PARD3: variants seen among roughly 807,000 people sequenced by gnomAD.
PARD3 encodes partitioning defective 3 homolog.
In PARD3, 75 loss-of-function variants were observed where a neutral mutation model predicts 155.4. The ratio of observed to expected loss-of-function variants is 0.48; its 90% confidence interval spans 0.40 to 0.58. The LOEUF (loss-of-function observed/expected upper bound fraction) is 0.58. Ranked by LOEUF, PARD3 falls within the 20% of genes least tolerant of loss-of-function variation. The probability of loss-of-function intolerance (pLI) is 0.00; values close to 1 mark genes in which losing one functional copy is unlikely to be tolerated. For synonymous variants in PARD3, 576 were observed against 610.5 expected (o/e 0.94, Z 0.83); for missense variants, 1,642 against 1,721.7 (o/e 0.95, Z 0.82).
chr10:34,801,397 T>A (rs565459796), intron 1 of PARD3, among the ~76,000 whole-genome samples: 1 of 152,162 alleles, frequency 6.6e-6, no homozygotes, highest in Non-Finnish European at 1.5e-5. Flanking sequence ...ATTAATGAGA[T>A]GTTTAAGGTC....
chr10:34,513,883 T>C (rs2081551685), intron 3 of PARD3, among the ~76,000 whole-genome samples: 1 of 152,156 alleles, frequency 6.6e-6, no homozygotes, highest in Admixed American at 6.5e-5. Context: ...ACTCCACCAG[T>C]TGTCACAACC....
intron 14 of PARD3, among the ~76,000 whole-genome samples, chr10:34,352,769 C>T (rs1200288780): frequency 6.6e-6 from 1 of 152,230 alleles, no homozygotes; most frequent in African/African-American, 2.4e-5. Flanking sequence ...GCCGCGACCC[C>T]ATCTGGGAAG....
chr10:34,305,048 T>A (rs983686413), intron 20 of PARD3, among the ~76,000 whole-genome samples: 2 of 152,242 alleles, frequency 1.3e-5, no homozygotes, highest in Non-Finnish European at 2.9e-5. Context: ...AAAGTATCTG[T>A]TCAGTTCATT....
intron 21 of PARD3, among the ~76,000 whole-genome samples, chr10:34,273,831 G>A (rs571127116): frequency 6.6e-6 from 1 of 152,068 alleles, no homozygotes; most frequent in East Asian, 1.9e-4. Context: ...CCCACTCTTG[G>A]TTTCCAATTT....
chr10:34,226,425 C>A (rs565261207), intron 22 of PARD3, among the ~76,000 whole-genome samples: 1 of 152,272 alleles, frequency 6.6e-6, no homozygotes, highest in Non-Finnish European at 1.5e-5. Context: ...TGGCACATGC[C>A]GGTAATCCCA....
chr10:34,584,136 A>C (rs1008349403), intron 2 of PARD3, among the ~76,000 whole-genome samples: 1 of 152,192 alleles, frequency 6.6e-6, no homozygotes, highest in Non-Finnish European at 1.5e-5. Flanking sequence ...TTCCTAGCCT[A>C]AACTAGACAT....
At position 34,802,944 on chromosome 10, in the gene PARD3, G is replaced by A. The variant is rs535410323; in HGVS notation, c.120+11932C>T. Among the ~76,000 whole-genome samples, 778 of 151,668 alleles carry A rather than the reference G, an allele frequency of 5.1e-3. 4 individuals are homozygous for A. Among genetic ancestry groups the A allele is most frequent in the Non-Finnish European group, 8.4e-3 (570 of 67,960 alleles). On this transcript the variant is annotated intron_variant, in intron 1 of 24. Coordinates refer to ENST00000374788, the MANE Select transcript of PARD3 (RefSeq NM_001184785.2). ...GGTGGTATTAAAAGGTAGGACTCCC[G>A]ACCAGGCACGGTGACTCACACCTGT...
At chr10:34,318,367 G>A (rs1958147623) in intron 19 of PARD3, among the ~76,000 whole-genome samples, 2 of 152,158 alleles carry the variant, frequency 1.3e-5, no homozygotes, top group African/African-American at 4.8e-5. Flanking sequence ...ATTACTCCGT[G>A]AATTCTTAAG....
intron 2 of PARD3, among the ~76,000 whole-genome samples, chr10:34,599,332 G>A (rs1467994504): frequency 1.3e-5 from 2 of 152,098 alleles, no homozygotes; most frequent in Non-Finnish European, 2.9e-5. Context: ...CCGATTCCAC[G>A]GCTCTCTCCA....
chr10:34,369,768 G>C (rs1589334234), intron 12 of PARD3, among the ~76,000 whole-genome samples: 1 of 152,132 alleles, frequency 6.6e-6, no homozygotes, highest in Non-Finnish European at 1.5e-5. Context: ...AAATGAAAGT[G>C]AGCATTGGAC....
chr10:34,574,547 AT>A (rs1395012268), intron 2 of PARD3, among the ~76,000 whole-genome samples: 1 of 152,226 alleles, frequency 6.6e-6, no homozygotes, highest in Admixed American at 6.5e-5. Flanking sequence ...ATAGTGACCC[AT>A]CCCAGTGCAT....
intron 4 of PARD3, among the ~76,000 whole-genome samples, chr10:34,463,996 T>A (rs962104353): frequency 6.6e-6 from 1 of 152,028 alleles, no homozygotes; most frequent in Non-Finnish European, 1.5e-5. Flanking sequence ...AAGGATGAAA[T>A]CGCCTAACAA....
intron 10 of PARD3, 63 bp downstream of exon 10, chr10:34,377,904 G>A (rs928263107): frequency 7.6e-7 from 1 of 1,310,126 alleles, no homozygotes; most frequent in Non-Finnish European, 1.0e-6. Flanking sequence ...GTTTTTAAAA[G>A]TTGGCTCCTG....
chr10:34,789,633 G>A (rs1205336034), intron 1 of PARD3, among the ~76,000 whole-genome samples: 2 of 152,100 alleles, frequency 1.3e-5, no homozygotes, highest in Non-Finnish European at 2.9e-5. Flanking sequence ...GAGCCCAGGA[G>A]GTCAAGTCCA....
intron 2 of PARD3, among the ~76,000 whole-genome samples, chr10:34,630,795 G>A (rs553116364): frequency 4.1e-3 from 604 of 146,518 alleles, no homozygotes; most frequent in Middle Eastern, 0.011. Flanking sequence ...AGTGATTTCT[G>A]TAAACAGATT....
At chr10:34,565,149 C>G (rs1241706288) in intron 2 of PARD3, among the ~76,000 whole-genome samples, 1 of 148,900 alleles carries the variant, frequency 6.7e-6, no homozygotes, top group Non-Finnish European at 1.5e-5. Flanking sequence ...CTAAGATCAT[C>G]TAGTAGCCAA....
At chr10:34,739,166 C>A (rs1328908074) in intron 1 of PARD3, among the ~76,000 whole-genome samples, 1 of 152,070 alleles carries the variant, frequency 6.6e-6, no homozygotes, top group Admixed American at 6.6e-5. Flanking sequence ...TGGATCCTGG[C>A]ATAGAAAGAG....
chr10:34,345,553 A>G, intron 15 of PARD3: 4 of 985,236 alleles, frequency 4.1e-6, no homozygotes, highest in Non-Finnish European at 4.8e-6. Context: ...AAACAGTCTG[A>G]GGAATATCTA....
chr10:34,223,201 C>G (rs1394491551), intron 22 of PARD3, among the ~76,000 whole-genome samples: 2 of 152,070 alleles, frequency 1.3e-5, no homozygotes, highest in Non-Finnish European at 2.9e-5. Context: ...GAGGAAGCCA[C>G]CAGGCAGGGT....
Sources: gnomAD v4.1 joint callset for allele counts (sites outside exome capture counted in the v4.1 genomes callset) on GRCh38, gnomAD v4.1.1 for gene constraint, MANE v1.5 for transcripts, NCBI Gene and HGNC (gene_info 2026-07-23, HGNC 2026-07-21) for gene names.